CCDC171: variants seen among roughly 807,000 people sequenced by gnomAD.
The protein encoded by CCDC171 is coiled-coil domain containing 171, also known as coiled-coil domain-containing protein 171.
A neutral mutation model predicts 168.2 loss-of-function variants in CCDC171; 177 were observed. The observed-to-expected ratio is 1.05, with a 90% CI of 0.93 to 1.19. CCDC171 has a LOEUF of 1.19. CCDC171 is among the 50% of genes most tolerant of loss of function. The pLI is 0.00. For synonymous variants in CCDC171, 687 were observed against 540.8 expected, an observed-to-expected ratio of 1.27 and a Z score of -3.75; for missense variants, 1,991 against 1,539.0, an observed-to-expected ratio of 1.29 and a Z score of -4.91.
At chr9:15,830,260 TGAAA>T (rs2060175192) in intron 21 of CCDC171, among the ~76,000 whole-genome samples, 1 of 152,210 alleles carries the variant, frequency 6.6e-6, no homozygotes, top group Non-Finnish European at 1.5e-5. Context: ...AAGTAAGACA[TGAAA>T]GACTCATCTG....
At chr9:15,841,364 G>T (rs1474082648) in intron 21 of CCDC171, among the ~76,000 whole-genome samples, 1 of 152,024 alleles carries the variant, frequency 6.6e-6, no homozygotes, top group Non-Finnish European at 1.5e-5. Context: ...GACGTTACAT[G>T]TAGAAGTGTA....
intron 7 of CCDC171, among the ~76,000 whole-genome samples, chr9:15,637,197 A>C (rs907776710): frequency 1.3e-5 from 2 of 152,142 alleles, no homozygotes; most frequent in African/African-American, 4.8e-5. Context: ...TGGAGGCTGC[A>C]CTGAGCCGAG....
chr9:15,988,870 A>C (rs1832088699), intron 3 of CCDC171, among the ~76,000 whole-genome samples: 1 of 152,068 alleles, frequency 6.6e-6, no homozygotes, highest in African/African-American at 2.4e-5. Flanking sequence ...AAGCGGCAGC[A>C]GGGCTGGGGG....
At chr9:15,932,639 G>C (rs1156602368) in intron 25 of CCDC171, among the ~76,000 whole-genome samples, 1 of 151,832 alleles carries the variant, frequency 6.6e-6, no homozygotes, top group Admixed American at 6.6e-5. Flanking sequence ...AGGACTTCCA[G>C]TACTATGTTG....
intron 11 of CCDC171, among the ~76,000 whole-genome samples, chr9:15,720,669 G>A (rs866049374): frequency 3.3e-5 from 5 of 152,176 alleles, no homozygotes; most frequent in Middle Eastern, 3.2e-3. Context: ...AAAGAATAGT[G>A]CAATCAACAA....
At chr9:15,933,038 T>C (rs1316766120) in intron 25 of CCDC171, among the ~76,000 whole-genome samples, 1 of 152,000 alleles carries the variant, frequency 6.6e-6, no homozygotes. Context: ...ATCAGGGATA[T>C]TGGCCTGTAG....
chr9:15,569,030 C>T (rs2039985582), intron 2 of CCDC171, among the ~76,000 whole-genome samples: 1 of 152,150 alleles, frequency 6.6e-6, no homozygotes, highest in Non-Finnish European at 1.5e-5. Flanking sequence ...TATAGTCAAA[C>T]ATATTTGTTA....
chr9:15,959,161 G>A (rs1434251838), intron 25 of CCDC171, among the ~76,000 whole-genome samples: 2 of 152,114 alleles, frequency 1.3e-5, no homozygotes, highest in African/African-American at 4.8e-5. Context: ...TGCCACTGAG[G>A]CTGCTGAATA....
intron 3 of CCDC171, among the ~76,000 whole-genome samples, chr9:15,983,249 C>G (rs1831862632): frequency 6.6e-6 from 1 of 152,048 alleles, no homozygotes; most frequent in Admixed American, 6.6e-5. Flanking sequence ...AGTTCTCTAT[C>G]CCTTGATGAA....
intron 25 of CCDC171, among the ~76,000 whole-genome samples, chr9:15,930,859 TG>T (rs1826426218): frequency 6.6e-6 from 1 of 151,704 alleles, no homozygotes; most frequent in Non-Finnish European, 1.5e-5. Flanking sequence ...CACATATATC[TG>T]GGGTATAATT....
At chr9:15,778,266 C>T (rs1408823190) in intron 19 of CCDC171, among the ~76,000 whole-genome samples, 2 of 138,674 alleles carry the variant, frequency 1.4e-5, no homozygotes, top group Admixed American at 7.5e-5. Context: ...CACTGCAGTC[C>T]GCAGTCTGCC....
At chr9:15,782,697 C>T (rs1044132626) in intron 20 of CCDC171, among the ~76,000 whole-genome samples, 14 of 152,058 alleles carry the variant, frequency 9.2e-5, no homozygotes, top group African/African-American at 3.4e-4. Context: ...TCACAAGACC[C>T]AGCGCATAGA....
rs970453236 is a variant in CCDC171, at chr9:15,751,902, G to C, written c.2671+6271G>C. ...AGCAATGGCAACAAAAGCTAAAATA[G>C]ACAAATGGAATCTAATTAAACTGAG... On this transcript the variant is annotated intron_variant, in intron 18 of 25. Coordinates refer to ENST00000380701, the MANE Select transcript of CCDC171 (RefSeq NM_173550.4). Among the ~76,000 whole-genome samples, 114 of 152,280 alleles carry C rather than the reference G, an allele frequency of 7.5e-4. 1 individual carries two copies. The highest frequency in any genetic ancestry group is 2.5e-3 in the African/African-American group (105 of 41,558).
At chr9:15,669,921 C>T in intron 9 of CCDC171, among the ~76,000 whole-genome samples, 1 of 142,370 alleles carries the variant, frequency 7.0e-6, no homozygotes, top group Admixed American at 7.3e-5. Flanking sequence ...GTTAAAATAC[C>T]CTGTTATTGT....
intron 11 of CCDC171, among the ~76,000 whole-genome samples, chr9:15,707,952 C>G (rs535271571): frequency 2.0e-5 from 3 of 152,270 alleles, no homozygotes; most frequent in African/African-American, 4.8e-5. Flanking sequence ...GGTTTAAGCA[C>G]TTCTCCAGCC....
chr9:16,083,476 G>T, the CCDC171 span, among the ~76,000 whole-genome samples: 1 of 152,092 alleles, frequency 6.6e-6, no homozygotes, highest in East Asian at 1.9e-4. Context: ...GTCAAGAATT[G>T]TTCCTTACAT....
At chr9:15,944,268 A>C (rs1388750885) in intron 25 of CCDC171, among the ~76,000 whole-genome samples, 2 of 151,896 alleles carry the variant, frequency 1.3e-5, no homozygotes, top group Non-Finnish European at 2.9e-5. Flanking sequence ...TTTTGGCCAA[A>C]GTCATCTACA....
chr9:15,626,103 T>C (rs1371928470), intron 7 of CCDC171, among the ~76,000 whole-genome samples: 1 of 152,340 alleles, frequency 6.6e-6, no homozygotes, highest in Admixed American at 6.5e-5. Flanking sequence ...GTTCCACTCA[T>C]GATATGGCTG....
At chr9:15,859,512 T>C (rs757385778) in intron 23 of CCDC171, among the ~76,000 whole-genome samples, 37 of 152,106 alleles carry the variant, frequency 2.4e-4, no homozygotes, top group African/African-American at 8.0e-4. Flanking sequence ...AGCCACCTGG[T>C]CCTGGGCTTT....
Sources: allele counts gnomAD v4.1 joint callset (sites outside exome capture counted in the v4.1 genomes callset), GRCh38; gene constraint gnomAD v4.1.1; transcripts MANE v1.5; gene names NCBI Gene and HGNC (gene_info 2026-07-23, HGNC 2026-07-21).